The following DDX23 variants were observed in gnomAD, a reference collection of about 807,000 sequenced individuals.
DDX23 encodes the protein DEAD-box helicase 23.
Under a neutral mutation model 102.7 loss-of-function variants are expected in DDX23, and 33 were observed. That is an observed-to-expected ratio of 0.32 (90% CI 0.24 to 0.43). DDX23 has a LOEUF of 0.43. DDX23 is among the 20% of genes least tolerant of loss of function. DDX23 has a pLI of 1.00. For missense variants in DDX23, 549 were observed against 1,086.6 expected, an observed-to-expected ratio of 0.51 and a Z score of 6.96; for synonymous variants, 352 against 376.0, an observed-to-expected ratio of 0.94 and a Z score of 0.74.
chr12:48,839,618 G>T, intron 5 of DDX23: 1 of 435,718 alleles, frequency 2.3e-6, no homozygotes. Flanking sequence ...TCCAACACAA[G>T]GGGTACATGT....
Position 48,832,340 on chromosome 12 carries a change from C to T in DDX23, c.1955+82G>A, listed in dbSNP as rs1794420217. ...CTCTTCAACACAGCAGAGCAATTGC[C>T]CTGCCCTGCACCTGCACTAAAAAAG... is the stretch of plus-strand genomic sequence containing the variant. On this transcript the variant is annotated intron_variant, in intron 14 of 16. Coordinates refer to ENST00000308025, the MANE Select transcript of DDX23 (RefSeq NM_004818.3). This position sits in a 1 kb window ranked among gnomAD's most constrained non-coding sequence, Gnocchi z 4.4. 3 of 1,568,132 alleles carry T rather than the reference C, an allele frequency of 1.9e-6. No homozygotes were observed. The highest frequency in any genetic ancestry group is 1.2e-5 in the South Asian group (1 of 86,008).
At chr12:48,843,638 T>C (rs1327921751) in intron 3 of DDX23, among the ~76,000 whole-genome samples, 2 of 144,678 alleles carry the variant, frequency 1.4e-5, no homozygotes, top group African/African-American at 5.1e-5. Flanking sequence ...AGGCTCCGCC[T>C]CCCGGGTTCA....
chr12:48,846,754 C>A (rs1177246247), intron 1 of DDX23, among the ~76,000 whole-genome samples: 1 of 152,202 alleles, frequency 6.6e-6, no homozygotes, highest in Admixed American at 6.5e-5. Context: ...TCCTGATTGA[C>A]ATTCCCTATT....
At position 48,838,051 on chromosome 12, in the gene DDX23, C is replaced by T; in HGVS notation, c.510G>A (p.Glu170=). Residue 170 remains glutamate, a synonymous_variant, in exon 6 of 17, where the codon GAG becomes GAA. Transcript: ENST00000308025. Reference sequence around the variant, plus strand: ...GCTGCCGTCGCTTTAGAGCTTCAGCCTCTCGTTCTGCTTTAGAGAGGAACT... The same window carrying T: ...GCTGCCGTCGCTTTAGAGCTTCAGCTTCTCGTTCTGCTTTAGAGAGGAACT... ...KPKFLSKAER[E]AEALKRRQQE... The T allele has an allele frequency of 6.2e-7, 1 of 1,614,210 alleles. No homozygotes were observed. Among genetic ancestry groups the T allele is most frequent in the African/African-American group, 1.3e-5 (1 of 75,060 alleles).
In DDX23 at chr12:48,832,788, T is replaced by A; in HGVS notation, c.1804-215A>T. On this transcript the variant is annotated intron_variant, in intron 13 of 16. Coordinates refer to ENST00000308025, the MANE Select transcript of DDX23 (RefSeq NM_004818.3). This position sits in a 1 kb window ranked among gnomAD's most constrained non-coding sequence, Gnocchi z 4.4. The stretch of plus-strand genomic sequence containing the variant: ...TTCCATCTTATGATGACAGGAAGGA[T>A]TGAGAGCATTTGCTAGCACCTGTGG... 1.6e-6 allele frequency: 1 copy of A among 615,002 alleles called. No individual in the cohort carries two copies. The highest frequency in any genetic ancestry group is 2.2e-5 in the South Asian group (1 of 44,822). The allele number at this position is 615,002 out of a possible 1,614,324, so 38.1% of individuals were successfully genotyped here.
At position 48,845,841 on chromosome 12, in the gene DDX23, T is replaced by C. The variant is rs532673839; in HGVS notation, c.1-59A>G. 37 of 1,544,916 alleles carry C rather than the reference T, an allele frequency of 2.4e-5. No homozygotes were observed. The African/African-American group carries it at 3.4e-4, about 14-fold the overall frequency. On this transcript the variant is annotated intron_variant, in intron 1 of 16. Transcript: ENST00000308025. Reference sequence around the variant, plus strand: ...TAGGCACTGCTCTAAACTGCTTATATATAATTCAATTACCCTCAAAACAAC... The same window carrying C: ...TAGGCACTGCTCTAAACTGCTTATACATAATTCAATTACCCTCAAAACAAC...
intron 3 of DDX23, among the ~76,000 whole-genome samples, chr12:48,840,905 A>G (rs1397463045): frequency 6.6e-6 from 1 of 152,038 alleles, no homozygotes; most frequent in Non-Finnish European, 1.5e-5. Flanking sequence ...CACCACCACA[A>G]GCCAAGAAGA....
At chr12:48,845,153 TTA>T (rs1565679167) in intron 2 of DDX23, among the ~76,000 whole-genome samples, 1 of 105,200 alleles carries the variant, frequency 9.5e-6, no homozygotes, top group Non-Finnish European at 1.8e-5. Context: ...ACTCCATCTT[TTA>T]AAAAAAAAAA....
At chr12:48,841,152 G>A (rs954534225) in intron 3 of DDX23, among the ~76,000 whole-genome samples, 1 of 151,986 alleles carries the variant, frequency 6.6e-6, no homozygotes, top group Admixed American at 6.6e-5. Flanking sequence ...TTGAGAGGCC[G>A]AGGTGGCCGG....
rs372135441 is a variant in DDX23 at position 48,844,052 on chromosome 12, T to C, written c.210-2A>G. ...TCTCGTTCTTTGTGCCGTCGTTCTC[T>C]GGAAGACCGCAAATTTAAGAGTTCA... On this transcript the variant is annotated splice_acceptor_variant, in intron 2 of 16. Transcript: ENST00000308025. LOFTEE classifies it high-confidence loss of function. The C allele has an allele frequency of 3.5e-5, 57 of 1,614,110 alleles. No individual in the cohort carries two copies. Among genetic ancestry groups the C allele is most frequent in the Non-Finnish European group, 4.5e-5 (53 of 1,179,974 alleles).
chr12:48,831,043 G>T, intron 16 of DDX23, 99 bp downstream of exon 16: 1 of 1,343,128 alleles, frequency 7.4e-7, no homozygotes, highest in Non-Finnish European at 1.1e-6. Context: ...ACTGAGGGAG[G>T]CAGTAACAGC....
intron 3 of DDX23, among the ~76,000 whole-genome samples, chr12:48,843,000 C>G (rs1442597129): frequency 6.7e-6 from 1 of 149,588 alleles, no homozygotes; most frequent in Admixed American, 6.7e-5. Flanking sequence ...GACCTTACCC[C>G]CAACCCTGTG....
At position 48,832,663 on chromosome 12, in the gene DDX23, AT is replaced by A; in HGVS notation, c.1804-91del. 12 of 1,495,858 alleles carry A rather than the reference AT, an allele frequency of 8.0e-6. No homozygotes were observed. The highest frequency in any genetic ancestry group is 1.1e-5 in the Non-Finnish European group (12 of 1,112,218). The allele number at this position is 1,495,858 out of a possible 1,614,324, so 92.7% of individuals were successfully genotyped here. A position where few individuals can be genotyped will look rare whatever the true frequency, so the allele number is the denominator to read the frequency against. On this transcript the variant is annotated intron_variant, in intron 13 of 16. Coordinates refer to ENST00000308025, the MANE Select transcript of DDX23 (RefSeq NM_004818.3). This position sits in a 1 kb window ranked among gnomAD's most constrained non-coding sequence, Gnocchi z 4.4. ...AAGGCAGGTCAGCCCAGACTAAAGA[AT>A]CTAAAATGGGCCACAGTATAGGCTT...
At chr12:48,837,496 GAA>G (rs746003599) in intron 7 of DDX23, 26 bp downstream of exon 7, 1 of 1,613,842 alleles carries the variant, frequency 6.2e-7, no homozygotes, top group East Asian at 2.2e-5. Flanking sequence ...GTGTGGGAGA[GAA>G]GTGAAGATGG....
chr12:48,848,060 C>T (rs1014453056), intron 1 of DDX23, among the ~76,000 whole-genome samples: 3 of 151,928 alleles, frequency 2.0e-5, no homozygotes, highest in Non-Finnish European at 4.4e-5. Flanking sequence ...CTGAGGCGGG[C>T]AGATCAAGAG....
chr12:48,830,199 T>C lies in DDX23; in HGVS notation c.*270A>G, dbSNP rs1938362296. On this transcript the variant is annotated 3_prime_UTR_variant, in exon 17 of 17. Transcript: ENST00000308025. The surrounding 1 kb of genome is among the most constrained non-coding windows in gnomAD (Gnocchi z 4.9). ...GCCCCCATAGCCTGGCATGAGCTGATGGCCCAGTGCAATCCCAAAGCAAAG... is the reference window on the plus strand; with the variant it reads ...GCCCCCATAGCCTGGCATGAGCTGACGGCCCAGTGCAATCCCAAAGCAAAG... 1 of 594,592 alleles carries C rather than the reference T, an allele frequency of 1.7e-6. No homozygotes were observed. Among genetic ancestry groups the C allele is most frequent in the African/African-American group, 1.8e-5 (1 of 54,966 alleles). The allele number at this position is 594,592 out of a possible 1,614,324, so 36.8% of individuals were successfully genotyped here. A position where few individuals can be genotyped will look rare whatever the true frequency, so the allele number is the denominator to read the frequency against.
chr12:48,831,739 A>G (rs1938390769), intron 15 of DDX23: 1 of 412,844 alleles, frequency 2.4e-6, no homozygotes, highest in Non-Finnish European at 4.4e-6. Flanking sequence ...CCTTCTGACC[A>G]TATCACCTCC....
At chr12:48,845,535 C>T (rs766857430) in intron 2 of DDX23, 39 bp downstream of exon 2, 11 of 1,606,270 alleles carry the variant, frequency 6.8e-6, no homozygotes, top group African/African-American at 1.3e-5. Context: ...CTGAAACGTA[C>T]TCTCCCTTCC....
intron 3 of DDX23, among the ~76,000 whole-genome samples, chr12:48,842,703 G>A (rs1165450973): frequency 2.0e-5 from 3 of 150,116 alleles, no homozygotes; most frequent in African/African-American, 4.9e-5. Flanking sequence ...CCGGCCAGCC[G>A]CCCCGTCCAG....
Sources: allele counts gnomAD v4.1 joint callset (sites outside exome capture counted in the v4.1 genomes callset), GRCh38; gene constraint gnomAD v4.1.1; non-coding constraint Gnocchi (gnomAD v3.1); transcripts MANE v1.5; gene names NCBI Gene and HGNC (gene_info 2026-07-23, HGNC 2026-07-21).